The following ERAP1 variants were observed in gnomAD, a reference collection of about 807,000 sequenced individuals.
ERAP1 encodes the protein adipocyte-derived leucine aminopeptidase.
Under a neutral mutation model 103.7 loss-of-function variants are expected in ERAP1, and 86 were observed. The ratio of observed to expected loss-of-function variants is 0.83; its 90% CI spans 0.70 to 0.99. The LOEUF is 0.99. Ranked by LOEUF, ERAP1 falls within the 50% of genes least tolerant of loss-of-function variation. The pLI is 0.00. For missense variants in ERAP1, 1,009 were observed against 1,128.4 expected (o/e 0.89, Z 1.52); for synonymous variants, 398 against 402.4 (o/e 0.99, Z 0.13).
the ERAP1 span, chr5:96,902,307 G>A: frequency 3.0e-5 from 48 of 1,612,452 alleles, no homozygotes; most frequent in Middle Eastern, 6.6e-4. Context: ...CCTACTCCAC[G>A]AGTTCTTCTA....
chr5:96,882,291 C>T, the ERAP1 span, among the ~76,000 whole-genome samples: 1 of 152,104 alleles, frequency 6.6e-6, no homozygotes, highest in Non-Finnish European at 1.5e-5. Flanking sequence ...CTTAGGGATA[C>T]TATTCTGGGA....
Position 96,775,373 on chromosome 5 carries a change from A to G in ERAP1, c.*1023T>C. 1 of 984,312 alleles carries G rather than the reference A, an allele frequency of 1.0e-6. No homozygotes were observed. Among genetic ancestry groups the G allele is most frequent in the Non-Finnish European group, 1.2e-6 (1 of 829,180 alleles). 61.0% of individuals were successfully genotyped at this position (984,312 alleles called of 1,614,324 possible). On this transcript the variant is annotated 3_prime_UTR_variant, in exon 19 of 19. Coordinates refer to ENST00000443439, the MANE Select transcript of ERAP1 (RefSeq NM_001040458.3). ...TTGGTGACTGCAATAATTTACTGTC[A>G]GTAAATGCCAATAACTAGTTAGTTA...
chr5:96,793,453 C>T lies in ERAP1; in HGVS notation c.1135G>A (p.Ala379Thr). 6.2e-7 allele frequency: 1 copy of T among 1,613,904 alleles called. No individual in the cohort carries two copies. ...WNDLWLNEGF[A>T]KFMEFVSVSV... Reference sequence around the variant, plus strand: ...ACAGACACAAACTCCATAAATTTGGCAAATCCTTCATTTAGCCAAAGATCA... The same window carrying T: ...ACAGACACAAACTCCATAAATTTGGTAAATCCTTCATTTAGCCAAAGATCA... The change falls in exon 7 of 19, where the codon GCC becomes ACC. Residue 379 changes from alanine to threonine, a missense_variant. Coordinates refer to ENST00000443439, the MANE Select transcript of ERAP1 (RefSeq NM_001040458.3).
chr5:96,784,775 T>A (rs1478592380), intron 13 of ERAP1: 1 of 152,888 alleles, frequency 6.5e-6, no homozygotes, highest in Non-Finnish European at 1.5e-5. Flanking sequence ...GGAAACACAT[T>A]TTCTTCTCCA....
chr5:96,879,889 G>C, the ERAP1 span: 109 of 1,614,002 alleles, frequency 6.8e-5, no homozygotes, highest in South Asian at 4.6e-4. Flanking sequence ...AGGAGCTAAG[G>C]CTCCCCAGTG....
At chr5:96,815,574 G>A in the ERAP1 span, among the ~76,000 whole-genome samples, 1 of 151,894 alleles carries the variant, frequency 6.6e-6, no homozygotes. Flanking sequence ...ACCACATCCG[G>A]CTAATTTTTG....
chr5:96,825,366 C>A, the ERAP1 span, among the ~76,000 whole-genome samples: 22,565 of 152,084 alleles, frequency 0.15, 2,122 homozygotes, highest in Non-Finnish European at 0.22. Flanking sequence ...GATATATATT[C>A]TTTTAAATGT....
Position 96,776,136 on chromosome 5 carries a change from G to GTACTT in ERAP1, c.*255_*259dup. ...TAAACTATAAAATGAGAAGAATAAG[G>GTACTT]TACTTTATTCTTCTGTGGCAGGGAA... On this transcript the variant is annotated 3_prime_UTR_variant, in exon 19 of 19. Transcript: ENST00000443439. The GTACTT allele has an allele frequency of 6.9e-7, 1 of 1,450,496 alleles. No individual in the cohort carries two copies. The highest frequency in any genetic ancestry group is 9.2e-7 in the Non-Finnish European group (1 of 1,092,712). 89.9% of individuals were successfully genotyped at this position (1,450,496 alleles called of 1,614,324 possible).
chr5:96,781,021 C>T, intron 17 of ERAP1, 37 bp downstream of exon 17: 1 of 1,613,360 alleles, frequency 6.2e-7, no homozygotes, highest in Non-Finnish European at 8.5e-7. Flanking sequence ...AGGTTATGAA[C>T]TTATCCAGTC....
rs772202631 is a variant in ERAP1, at chr5:96,776,136, G to A, written c.*260C>T. 7.6e-6 allele frequency: 11 copies of A among 1,450,378 alleles called. No individual in the cohort carries two copies. Among genetic ancestry groups the A allele is most frequent in the Middle Eastern group, 1.8e-4 (1 of 5,596 alleles). The allele number at this position is 1,450,378 out of a possible 1,614,324, so 89.8% of individuals were successfully genotyped here. ...TAAACTATAAAATGAGAAGAATAAG[G>A]TACTTTATTCTTCTGTGGCAGGGAA... On this transcript the variant is annotated 3_prime_UTR_variant, in exon 19 of 19. Transcript: ENST00000443439.
chr5:96,763,203 T>G, exon 20 of ERAP1: 1 of 780,784 alleles, frequency 1.3e-6, no homozygotes, highest in Non-Finnish European at 2.4e-6. Context: ...TGGATTTTCA[T>G]CCTGTTGCGT....
chr5:96,783,763 C>G (rs1775576683), intron 14 of ERAP1, among the ~76,000 whole-genome samples, 161 bp downstream of exon 14: 1 of 151,484 alleles, frequency 6.6e-6, no homozygotes, highest in Non-Finnish European at 1.5e-5. Context: ...TCTTGCTAGT[C>G]CATCTAAATA....
chr5:96,803,406 A>G lies in ERAP1; in HGVS notation c.521T>C (p.Leu174Pro), dbSNP rs1361465647. ...KSTYRTKEGE[L>P]RILASTQFEP... ...AGAAAAAGAGAAAAAAAAATACCTCAGTTCCCCTTCCTTGGTTCTGTAGGT... is the reference window on the plus strand; with the variant it reads ...AGAAAAAGAGAAAAAAAAATACCTCGGTTCCCCTTCCTTGGTTCTGTAGGT... Residue 174 changes from leucine to proline, a missense_variant, in exon 2 of 19, where the codon CTG (leucine) becomes CCG (proline). Coordinates refer to ENST00000443439, the MANE Select transcript of ERAP1 (RefSeq NM_001040458.3). 1 of 1,613,100 alleles carries G rather than the reference A, an allele frequency of 6.2e-7. No individual in the cohort carries two copies. Among genetic ancestry groups the G allele is most frequent in the African/African-American group, 1.3e-5 (1 of 74,854 alleles).
the ERAP1 span, among the ~76,000 whole-genome samples, chr5:96,815,900 A>G: frequency 6.6e-6 from 1 of 152,214 alleles, no homozygotes; most frequent in Non-Finnish European, 1.5e-5. Flanking sequence ...ACATATATGT[A>G]TGTGTGGATA....
chr5:96,819,864 C>T, the ERAP1 span, among the ~76,000 whole-genome samples: 1 of 152,232 alleles, frequency 6.6e-6, no homozygotes, highest in African/African-American at 2.4e-5. Flanking sequence ...GTGTAATAGA[C>T]TTCAAGCACC....
At chr5:96,798,451 G>C (rs1162094011) in intron 3 of ERAP1, among the ~76,000 whole-genome samples, 1 of 151,862 alleles carries the variant, frequency 6.6e-6, no homozygotes, top group East Asian at 1.9e-4. Flanking sequence ...CCCTAAAGAA[G>C]AAAGTCTAAC....
chr5:96,797,235 C>A lies in ERAP1; in HGVS notation c.738G>T (p.Leu246=). 1 of 1,614,158 alleles carries A rather than the reference C, an allele frequency of 6.2e-7. No individual in the cohort carries two copies. The highest frequency in any genetic ancestry group is 8.5e-7 in the Non-Finnish European group (1 of 1,180,026). The change falls in exon 4 of 19, where the codon CTG becomes CTT. Residue 246 remains leucine, a synonymous_variant. Transcript: ENST00000443439. ...CAAAATCTGAAATGATGAAGGCCACCAGATAGGTGCTCATCTTCACAGTGA... is the reference window on the plus strand; with the variant it reads ...CAAAATCTGAAATGATGAAGGCCACAAGATAGGTGCTCATCTTCACAGTGA... ...FDVTVKMSTY[L]VAFIISDFES...
In ERAP1 at chr5:96,784,034, A is replaced by C. The variant is rs1440249248; in HGVS notation, c.1990T>G (p.Leu664Val). Reference sequence around the variant, plus strand: ...GGCATAATTTCAGTTTCATGTTTCAAGTACAGGGATAAATCCAAGGCCTTT... The same window carrying C: ...GGCATAATTTCAGTTTCATGTTTCACGTACAGGGATAAATCCAAGGCCTTT... ...IEKALDLSLY[L>V]KHETEIMPVF... Residue 664 changes from leucine to valine, a missense_variant, in exon 14 of 19, where the codon TTG becomes GTG. Leu to Val is a conservative substitution (Grantham distance 32, BLOSUM62 1). Coordinates refer to ENST00000443439, the MANE Select transcript of ERAP1 (RefSeq NM_001040458.3). 5 of 1,614,044 alleles carry C rather than the reference A, an allele frequency of 3.1e-6. No individual in the cohort carries two copies. The Admixed American group carries it at 8.3e-5, about 27-fold the overall frequency.
intron 12 of ERAP1, 30 bp from the exon 13 acceptor site, chr5:96,786,001 A>C: frequency 1.9e-6 from 3 of 1,607,820 alleles, no homozygotes; most frequent in Non-Finnish European, 2.6e-6. Flanking sequence ...TCAAAGTTCC[A>C]TTTGCTCCCC....
Sources: gnomAD v4.1 joint callset for allele counts (sites outside exome capture counted in the v4.1 genomes callset) on GRCh38, gnomAD v4.1.1 for gene constraint, MANE v1.5 for transcripts, NCBI Gene and HGNC (gene_info 2026-07-23, HGNC 2026-07-21) for gene names.